The following STK10 variants were observed in gnomAD, a reference collection of about 807,000 sequenced individuals.
STK10 encodes the protein serine/threonine kinase 10, also known as serine/threonine-protein kinase 10.
In STK10, 78 loss-of-function variants were observed where a neutral mutation model predicts 113.8. The ratio of observed to expected loss-of-function variants is 0.69; its 90% CI spans 0.57 to 0.83. STK10 has a LOEUF of 0.83. Among genes scored for constraint, STK10 ranks in the 40% least tolerant of loss-of-function variants. STK10 has a pLI of 0.00. For missense variants in STK10, 1,109 were observed against 1,280.1 expected (o/e 0.87, Z 2.04); for synonymous variants, 465 against 494.7 (o/e 0.94, Z 0.80).
At chr5:172,091,241 C>T (rs1689787551) in intron 9 of STK10, among the ~76,000 whole-genome samples, 1 of 152,182 alleles carries the variant, frequency 6.6e-6, no homozygotes, top group Non-Finnish European at 1.5e-5. Flanking sequence ...TCCAAAGGAG[C>T]CCGAAAACCA....
At chr5:172,156,541 G>A (rs1770351021) in intron 2 of STK10, 83 bp downstream of exon 2, 28 of 1,493,448 alleles carry the variant, frequency 1.9e-5, no homozygotes, top group Non-Finnish European at 2.5e-5. Flanking sequence ...TGCTGAGAAA[G>A]AGCTGAAGAC....
In STK10 at chr5:172,046,284, G is replaced by A. The variant is rs1265055486; in HGVS notation, c.2767-1262C>T. Among the ~76,000 whole-genome samples, 5 of 151,056 alleles carry A rather than the reference G, an allele frequency of 3.3e-5. No individual in the cohort carries two copies. The South Asian group carries it at 6.3e-4, about 19-fold the overall frequency. On this transcript the variant is annotated intron_variant, in intron 18 of 18. Coordinates refer to ENST00000176763, the MANE Select transcript of STK10 (RefSeq NM_005990.4). ...CTGAGGCAGGAGAATCACTTGAGGC[G>A]AGGTGGAAGTTGCAGTGAGCCGAGA...
At chr5:172,087,593 A>G (rs1487837312) in intron 10 of STK10, among the ~76,000 whole-genome samples, 1 of 146,980 alleles carries the variant, frequency 6.8e-6, no homozygotes, top group African/African-American at 2.5e-5. Flanking sequence ...CATTTTTTAC[A>G]ATTTATTTTT....
In STK10 at chr5:172,188,220, G is replaced by T; in HGVS notation, c.-178C>A. 3 of 1,107,704 alleles carry T rather than the reference G, an allele frequency of 2.7e-6. No homozygotes were observed. The highest frequency in any genetic ancestry group is 3.6e-6 in the Non-Finnish European group (3 of 833,302). The allele number at this position is 1,107,704 out of a possible 1,614,324, so 68.6% of individuals were successfully genotyped here. ...GTGTGCCCTGGGCAGCGCCGCGCCG[G>T]GAGCACCCGGAACCGCGCAGGCGGC... On this transcript the variant is annotated 5_prime_UTR_variant, in exon 1 of 19. Transcript: ENST00000176763. This position sits in a 1 kb window ranked among gnomAD's most constrained non-coding sequence, Gnocchi z 5.6.
chr5:172,088,449 G>T (rs1361762102), intron 10 of STK10, among the ~76,000 whole-genome samples: 2 of 152,064 alleles, frequency 1.3e-5, no homozygotes, highest in Non-Finnish European at 2.9e-5. Flanking sequence ...GCTTGAACCC[G>T]GGAGGCAGAA....
chr5:172,106,401 C>CAGAAAAAAAAAAAAAAAAA (rs1475870342), intron 6 of STK10, among the ~76,000 whole-genome samples: 1 of 53,440 alleles, frequency 1.9e-5, no homozygotes, highest in Non-Finnish European at 3.8e-5. Flanking sequence ...GACCCTATCT[C>CAGAAAAAAAAAAAAAAAAA]AAAAAAAAAA....
chr5:172,053,136 G>T, intron 17 of STK10, 94 bp from the exon 18 acceptor site: 1 of 892,386 alleles, frequency 1.1e-6, no homozygotes. Flanking sequence ...GAGGGCACCA[G>T]CATCGTTCAT....
chr5:172,120,109 A>C lies in STK10; in HGVS notation c.371-2479T>G, dbSNP rs1044777338. Among the ~76,000 whole-genome samples the C allele has an allele frequency of 2.0e-5, 3 of 152,052 alleles. No individual in the cohort carries two copies. Among genetic ancestry groups the C allele is most frequent in the Non-Finnish European group, 2.9e-5 (2 of 68,004 alleles). On this transcript the variant is annotated intron_variant, in intron 3 of 18. Transcript: ENST00000176763. The surrounding 1 kb of genome is among the most constrained non-coding windows in gnomAD (Gnocchi z 4.0). ...GACAGCCTTGTGCTCTGCGTCCCAC[A>C]GGACTGTCCTGATTGAGTCAACGTA... is the stretch of plus-strand genomic sequence containing the variant.
chr5:172,160,108 C>T (rs779210748), intron 1 of STK10, among the ~76,000 whole-genome samples: 4 of 150,846 alleles, frequency 2.7e-5, no homozygotes, highest in Non-Finnish European at 5.9e-5. Context: ...GGCACTCCAG[C>T]TTGGGCGACA....
At position 172,087,981 on chromosome 5, in the gene STK10, G is replaced by A. The variant is rs566288978; in HGVS notation, c.1685+2251C>T. Among the ~76,000 whole-genome samples the A allele has an allele frequency of 2.6e-5, 4 of 151,526 alleles. No individual in the cohort carries two copies. In the South Asian group the frequency reaches 6.3e-4, roughly 24 times the overall value. ...TGCTCTGTTACCCAGGCTGGAGTGCGGTGGCATGAACGCAGCTCACTGCAG... is the reference window on the plus strand; with the variant it reads ...TGCTCTGTTACCCAGGCTGGAGTGCAGTGGCATGAACGCAGCTCACTGCAG... On this transcript the variant is annotated intron_variant, in intron 10 of 18. Transcript: ENST00000176763.
At chr5:172,149,157 A>G (rs1770151139) in intron 2 of STK10, among the ~76,000 whole-genome samples, 1 of 152,204 alleles carries the variant, frequency 6.6e-6, no homozygotes. Context: ...ACAGAGCAAT[A>G]CAAAAGCAAA....
At chr5:172,087,182 C>CT (rs1397941844) in intron 10 of STK10, among the ~76,000 whole-genome samples, 4 of 147,092 alleles carry the variant, frequency 2.7e-5, no homozygotes, top group African/African-American at 1.0e-4. Flanking sequence ...AGTGAAAAGT[C>CT]TGTTTTTCCT....
At chr5:172,114,293 T>C (rs960732233) in intron 4 of STK10, among the ~76,000 whole-genome samples, 2 of 142,136 alleles carry the variant, frequency 1.4e-5, no homozygotes, top group Non-Finnish European at 3.0e-5. Flanking sequence ...TACTCTCGTG[T>C]GTGTGTGTGT....
At chr5:172,113,743 C>T (rs1769299857) in intron 4 of STK10, among the ~76,000 whole-genome samples, 1 of 151,952 alleles carries the variant, frequency 6.6e-6, no homozygotes, top group Non-Finnish European at 1.5e-5. Flanking sequence ...GAAAAATCCC[C>T]TCTCTACTAA....
At chr5:172,139,988 T>C (rs13154997) in intron 2 of STK10, among the ~76,000 whole-genome samples, 13,121 of 148,538 alleles carry the variant, frequency 0.088, 678 homozygotes, top group South Asian at 0.15. Flanking sequence ...ATCAGTAGAA[T>C]GAAAAGGCAG....
At chr5:172,106,402 A>AG (rs1491199069) in intron 6 of STK10, among the ~76,000 whole-genome samples, 1,981 of 65,864 alleles carry the variant, frequency 0.03, 86 homozygotes, top group African/African-American at 0.14. Context: ...ACCCTATCTC[A>AG]AAAAAAAAAA....
chr5:172,182,622 C>T (rs1173653623), intron 1 of STK10, among the ~76,000 whole-genome samples: 1 of 147,480 alleles, frequency 6.8e-6, no homozygotes, highest in African/African-American at 2.5e-5. Context: ...GGCACAATCT[C>T]AGCTCATTGC....
Position 172,187,019 on chromosome 5 carries a change from C to G in STK10, c.156+868G>C, listed in dbSNP as rs967830666. Among the ~76,000 whole-genome samples, 3 of 152,090 alleles carry G rather than the reference C, an allele frequency of 2.0e-5. No individual in the cohort carries two copies. Among genetic ancestry groups the G allele is most frequent in the African/African-American group, 7.2e-5 (3 of 41,418 alleles). On this transcript the variant is annotated intron_variant, in intron 1 of 18. Transcript: ENST00000176763. This position sits in a 1 kb window ranked among gnomAD's most constrained non-coding sequence, Gnocchi z 4.6. Reference sequence around the variant, plus strand: ...ATACACCAATTTAACAAGTGGGCGTCTCCCAGTAAAAATTTTCTTAGGGGA... The same window carrying G: ...ATACACCAATTTAACAAGTGGGCGTGTCCCAGTAAAAATTTTCTTAGGGGA...
chr5:172,145,248 C>T (rs952914569), intron 2 of STK10, among the ~76,000 whole-genome samples: 11 of 152,208 alleles, frequency 7.2e-5, no homozygotes, highest in Non-Finnish European at 1.3e-4. Flanking sequence ...GAGCCAGGCC[C>T]ATGCCCCTGC....
Sources: gnomAD v4.1 joint callset for allele counts (sites outside exome capture counted in the v4.1 genomes callset) on GRCh38, gnomAD v4.1.1 for gene constraint, Gnocchi (gnomAD v3.1) non-coding constraint, MANE v1.5 for transcripts, NCBI Gene and HGNC (gene_info 2026-07-23, HGNC 2026-07-21) for gene names.